The following TEX11 variants were observed in gnomAD, a reference collection of about 807,000 sequenced individuals.
TEX11 encodes the protein testis expressed 11.
A neutral mutation model predicts 84.4 loss-of-function variants in TEX11; 7 were observed. That is an observed-to-expected ratio of 0.08 (90% CI 0.05 to 0.16). The LOEUF is 0.16. Among genes scored for constraint, TEX11 ranks in the 10% least tolerant of loss-of-function variants. TEX11 has a pLI of 1.00. For synonymous variants in TEX11, 264 were observed against 222.8 expected (o/e 1.18, Z -1.64); for missense variants, 551 against 660.5 (o/e 0.83, Z 1.82).
chrX:70,624,852 G>A lies in TEX11; in HGVS notation c.1681C>T (p.Leu561Phe). Residue 561 changes from leucine to phenylalanine, a missense_variant, in exon 19 of 30, where the codon CTT (leucine) becomes TTT (phenylalanine). Physicochemically the swap from Leu to Phe is conservative, Grantham distance 22. Transcript: ENST00000374333. ...AQHSEDQEQV[L>F]TAVKCLLRFL... ...TAGGTTACTTACTTTACAGCTGTAA[G>A]AACTTGTTCCTGGTCTTCTGAATGT... The A allele has an allele frequency of 8.3e-7, 1 of 1,205,947 alleles. No individual in the cohort carries two copies. Among genetic ancestry groups the A allele is most frequent in the Non-Finnish European group, 1.1e-6 (1 of 891,426 alleles).
At chrX:70,651,192 A>G (rs750955910) in intron 17 of TEX11, among the ~76,000 whole-genome samples, 58 of 112,252 alleles carry the variant, frequency 5.2e-4, no homozygotes, top group Middle Eastern at 4.6e-3. Context: ...AAAAGTACAT[A>G]GTGATAAGAC....
chrX:70,544,926 C>T (rs2088100957), intron 28 of TEX11, among the ~76,000 whole-genome samples: 1 of 106,966 alleles, frequency 9.3e-6, no homozygotes, highest in Non-Finnish European at 1.9e-5. Context: ...TTTTTTTGGC[C>T]AGTCATGCTG....
intron 9 of TEX11, among the ~76,000 whole-genome samples, chrX:70,772,773 G>A (rs1200268770): frequency 9.1e-6 from 1 of 110,014 alleles, no homozygotes; most frequent in Non-Finnish European, 1.9e-5. Context: ...AGCAAAATAA[G>A]AAGAGGTTCA....
intron 4 of TEX11, among the ~76,000 whole-genome samples, chrX:70,866,158 G>A (rs1488330993): frequency 1.8e-5 from 2 of 111,490 alleles, no homozygotes; most frequent in African/African-American, 6.5e-5. Flanking sequence ...GATTAATAAA[G>A]TAGAAAAGAG....
At chrX:70,769,259 A>G (rs1333231930) in intron 9 of TEX11, among the ~76,000 whole-genome samples, 1 of 111,748 alleles carries the variant, frequency 8.9e-6, no homozygotes, top group African/African-American at 3.2e-5. Flanking sequence ...AAAAAACAAT[A>G]GAGAAAAATC....
At chrX:70,535,893 C>T (rs1295119894) in intron 28 of TEX11, among the ~76,000 whole-genome samples, 1 of 109,792 alleles carries the variant, frequency 9.1e-6, no homozygotes, top group Non-Finnish European at 1.9e-5. Context: ...ATGCATGAGC[C>T]ACTCCACCAG....
chrX:70,651,414 T>TTAACACAAAG, intron 17 of TEX11, 36 bp downstream of exon 17: 2 of 977,197 alleles, frequency 2.0e-6, no homozygotes, highest in Non-Finnish European at 2.9e-6. Context: ...TTCTTTGTGT[T>TTAACACAAAG]AATAGTCAAA....
At chrX:70,872,320 A>G (rs1166377937) in intron 4 of TEX11, among the ~76,000 whole-genome samples, 1 of 112,421 alleles carries the variant, frequency 8.9e-6, no homozygotes, top group Non-Finnish European at 1.9e-5. Context: ...ACTCATGAGC[A>G]AGTATATTCT....
At chrX:70,634,107 T>TA in intron 17 of TEX11, among the ~76,000 whole-genome samples, 1 of 109,643 alleles carries the variant, frequency 9.1e-6, no homozygotes, top group East Asian at 2.9e-4. Context: ...CAAATTTTTT[T>TA]AAAATGCCAT....
At chrX:70,806,395 G>A (rs1207531634) in intron 9 of TEX11, among the ~76,000 whole-genome samples, 1 of 109,572 alleles carries the variant, frequency 9.1e-6, no homozygotes, top group African/African-American at 3.3e-5. Context: ...GGCAGAGGTT[G>A]CAGTGAGCAG....
intron 7 of TEX11, among the ~76,000 whole-genome samples, chrX:70,844,325 A>G (rs1453942226): frequency 9.2e-6 from 1 of 108,655 alleles, no homozygotes; most frequent in Non-Finnish European, 1.9e-5. Flanking sequence ...CATGGATGAA[A>G]CTGGAAGCCA....
chrX:70,559,012 T>C (rs967742263), intron 25 of TEX11, among the ~76,000 whole-genome samples: 1 of 112,009 alleles, frequency 8.9e-6, no homozygotes, highest in Non-Finnish European at 1.9e-5. Flanking sequence ...CTCTGGCAGT[T>C]CCTCAAATGA....
intron 10 of TEX11, among the ~76,000 whole-genome samples, chrX:70,742,652 C>T (rs1260745908): frequency 6.4e-5 from 7 of 110,180 alleles, no homozygotes; most frequent in Non-Finnish European, 1.1e-4. Context: ...CTGCTTGAGC[C>T]CAGGAGTTTG....
chrX:70,696,962 G>A (rs1374273010), intron 13 of TEX11, among the ~76,000 whole-genome samples: 2 of 111,356 alleles, frequency 1.8e-5, no homozygotes, highest in African/African-American at 3.3e-5. Context: ...GGCTATTGAC[G>A]AAATTCAGTT....
intron 9 of TEX11, among the ~76,000 whole-genome samples, chrX:70,760,080 G>A (rs1205584959): frequency 9.0e-6 from 1 of 111,484 alleles, no homozygotes; most frequent in Admixed American, 9.6e-5. Flanking sequence ...CCTCTTCAAG[G>A]AGAACTACAA....
chrX:70,642,187 T>G (rs1212624051), intron 17 of TEX11, among the ~76,000 whole-genome samples: 3 of 111,810 alleles, frequency 2.7e-5, no homozygotes, highest in Non-Finnish European at 5.6e-5. Flanking sequence ...GATAAACTCC[T>G]CAACACATAC....
At chrX:70,892,460 C>T (rs957310307) in intron 2 of TEX11, among the ~76,000 whole-genome samples, 3 of 111,921 alleles carry the variant, frequency 2.7e-5, no homozygotes, top group Non-Finnish European at 3.8e-5. Context: ...ACTAGCCAGG[C>T]GCAGTGGCTC....
At chrX:70,831,973 T>C (rs1178133839) in intron 8 of TEX11, among the ~76,000 whole-genome samples, 1 of 111,427 alleles carries the variant, frequency 9.0e-6, no homozygotes, top group Non-Finnish European at 1.9e-5. Context: ...AAATTTGATT[T>C]GCCATAGTTT....
intron 9 of TEX11, among the ~76,000 whole-genome samples, chrX:70,746,575 T>C (rs939187864): frequency 2.6e-4 from 29 of 110,902 alleles, no homozygotes; most frequent in Admixed American, 2.3e-3. Flanking sequence ...GGCACAGAGG[T>C]TCTGACCAGA....
Sources: gnomAD v4.1 joint callset for allele counts (sites outside exome capture counted in the v4.1 genomes callset) on GRCh38, gnomAD v4.1.1 for gene constraint, MANE v1.5 for transcripts, NCBI Gene and HGNC (gene_info 2026-07-23, HGNC 2026-07-21) for gene names.